ACAD9: variants seen among roughly 807,000 people sequenced by gnomAD.
ACAD9 encodes acyl-CoA dehydrogenase family member 9.
ACAD9 carries 53 observed loss-of-function variants against 70.2 expected under a neutral mutation model. The observed-to-expected ratio is 0.75, with a 90% CI of 0.61 to 0.95. ACAD9 has a LOEUF of 0.95. Among genes scored for constraint, ACAD9 ranks in the 40% least tolerant of loss-of-function variants. ACAD9 has a pLI of 0.00. For missense variants in ACAD9, 777 were observed against 802.8 expected, an observed-to-expected ratio of 0.97 and a Z score of 0.39; for synonymous variants, 313 against 312.1, an observed-to-expected ratio of 1.00 and a Z score of -0.03.
At chr3:128,903,750 C>G (rs559599047) in intron 9 of ACAD9, among the ~76,000 whole-genome samples, 10 of 152,292 alleles carry the variant, frequency 6.6e-5, no homozygotes, top group Admixed American at 6.5e-5. Context: ...ATCTTCACAG[C>G]GACTCTGAGG....
chr3:128,891,614 C>G (rs184797124), intron 2 of ACAD9, among the ~76,000 whole-genome samples: 2 of 152,290 alleles, frequency 1.3e-5, no homozygotes, highest in African/African-American at 2.4e-5. Context: ...GAGCGAGACT[C>G]CATCTCGAAA....
chr3:128,910,138 C>G lies in ACAD9; in HGVS notation c.1681C>G (p.His561Asp). ...CTCCATCCGCATTGGGCTCCGCAAC[C>G]ACGACCACGAGGTGAGCCCAGCCCA... ...SRSIRIGLRN[H>D]DHEVLLANTF... The change falls in exon 16 of 18, where the codon CAC becomes GAC. Residue 561 changes from histidine (H) to aspartate (D), a missense_variant. Transcript: ENST00000308982. 1 of 1,614,066 alleles carries G rather than the reference C, an allele frequency of 6.2e-7. No individual in the cohort carries two copies. The highest frequency in any genetic ancestry group is 8.5e-7 in the Non-Finnish European group (1 of 1,180,042).
At chr3:128,893,372 T>C (rs911879752) in intron 2 of ACAD9, 183 bp from the exon 3 acceptor site, 3 of 518,954 alleles carry the variant, frequency 5.8e-6, no homozygotes, top group Non-Finnish European at 1.0e-5. Flanking sequence ...AAAAATAAAA[T>C]TTTTCCTGGG....
intron 17 of ACAD9, among the ~76,000 whole-genome samples, chr3:128,911,793 C>G (rs969236005): frequency 2.0e-5 from 3 of 152,222 alleles, no homozygotes; most frequent in African/African-American, 7.2e-5. Context: ...GGAGGAGCAT[C>G]TGGTTGTACC....
chr3:128,906,371 C>T, intron 12 of ACAD9, 122 bp downstream of exon 12: 1 of 1,451,980 alleles, frequency 6.9e-7, no homozygotes, highest in East Asian at 2.3e-5. Flanking sequence ...CTCTCAGGGG[C>T]TCTCCTAGCC....
Position 128,902,497 on chromosome 3 carries a change from G to A in ACAD9, c.883-56G>A, listed in dbSNP as rs1179481965. On this transcript the variant is annotated intron_variant, in intron 8 of 17. Transcript: ENST00000308982. This position sits in a 1 kb window ranked among gnomAD's most constrained non-coding sequence, Gnocchi z 4.0. ...GATCCACCTGGCCTGGTTTCGTTGC[G>A]GCCTCCTCCCTCTGCCTCCTTCAGG... 17 of 1,592,270 alleles carry A rather than the reference G, an allele frequency of 1.1e-5. No homozygotes were observed. The highest frequency in any genetic ancestry group is 5.5e-5 in the South Asian group (5 of 90,600).
At chr3:128,889,320 A>G (rs1487964519) in intron 2 of ACAD9, among the ~76,000 whole-genome samples, 1 of 152,050 alleles carries the variant, frequency 6.6e-6, no homozygotes, top group East Asian at 1.9e-4. Context: ...GGCCTACTGT[A>G]CAGGTTTGCA....
At chr3:128,884,768 A>G (rs1935199274) in intron 2 of ACAD9, 22 bp downstream of exon 2, 2 of 1,554,844 alleles carry the variant, frequency 1.3e-6, no homozygotes, top group East Asian at 4.5e-5. Flanking sequence ...TTTCTTTACC[A>G]TTGCCGATTT....
intron 17 of ACAD9, 28 bp downstream of exon 17, chr3:128,910,841 G>A: frequency 6.2e-7 from 1 of 1,612,298 alleles, no homozygotes; most frequent in Non-Finnish European, 8.5e-7. Flanking sequence ...GGGGAGGGAA[G>A]GAAGGGCCCA....
Position 128,902,797 on chromosome 3 carries a change from G to A in ACAD9, c.958+169G>A, listed in dbSNP as rs7642301. 4.9e-3 allele frequency among the ~76,000 whole-genome samples: 739 copies of A among 152,282 alleles called. 8 individuals carry two copies. Among genetic ancestry groups the A allele is most frequent in the African/African-American group, 0.017 (703 of 41,546 alleles). On this transcript the variant is annotated intron_variant, in intron 9 of 17. Coordinates refer to ENST00000308982, the MANE Select transcript of ACAD9 (RefSeq NM_014049.5). This position sits in a 1 kb window ranked among gnomAD's most constrained non-coding sequence, Gnocchi z 4.0. Reference sequence around the variant, plus strand: ...GGAGACCAGAGGGTCTCCTCAGCCTGCCCCTGAGGTTTGTTGTCTTCCGCA... The same window carrying A: ...GGAGACCAGAGGGTCTCCTCAGCCTACCCCTGAGGTTTGTTGTCTTCCGCA...
chr3:128,900,976 C>T (rs1017645178), intron 7 of ACAD9, among the ~76,000 whole-genome samples: 9 of 152,142 alleles, frequency 5.9e-5, no homozygotes, highest in African/African-American at 2.2e-4. Flanking sequence ...AAAAGTCTGA[C>T]ATAGTCCTTA....
chr3:128,886,447 A>G (rs1405074453), intron 2 of ACAD9, among the ~76,000 whole-genome samples: 2 of 150,778 alleles, frequency 1.3e-5, no homozygotes, highest in Admixed American at 6.6e-5. Flanking sequence ...GGTGGCTCAC[A>G]CCTGTAATCC....
In ACAD9 at chr3:128,894,170, T is replaced by G. The variant is rs369989892; in HGVS notation, c.346+514T>G. On this transcript the variant is annotated intron_variant, in intron 3 of 17. Transcript: ENST00000308982. Reference sequence around the variant, plus strand: ...AGACCACACACATGTGTGCCATTTGTGTTTACCCTCAGGCCCTTTTGATAT... The same window carrying G: ...AGACCACACACATGTGTGCCATTTGGGTTTACCCTCAGGCCCTTTTGATAT... 2.6e-5 allele frequency among the ~76,000 whole-genome samples: 4 copies of G among 152,308 alleles called. No individual in the cohort carries two copies. The South Asian group carries it at 6.2e-4, about 24-fold the overall frequency.
intron 1 of ACAD9, 51 bp downstream of exon 1, chr3:128,879,892 C>G (rs754073204): frequency 1.9e-6 from 3 of 1,613,132 alleles, no homozygotes; most frequent in Admixed American, 1.7e-5. Flanking sequence ...GCTTTTCACC[C>G]TCAGCTGCAA....
intron 1 of ACAD9, among the ~76,000 whole-genome samples, chr3:128,881,704 A>G (rs1935099385): frequency 6.6e-6 from 1 of 152,164 alleles, no homozygotes; most frequent in Non-Finnish European, 1.5e-5. Flanking sequence ...GACACCGTTC[A>G]TCCTTCCACC....
At chr3:128,891,152 A>T (rs1935409984) in intron 2 of ACAD9, among the ~76,000 whole-genome samples, 1 of 152,112 alleles carries the variant, frequency 6.6e-6, no homozygotes, top group Non-Finnish European at 1.5e-5. Context: ...AATTTTTAAA[A>T]TAGGAAAAAA....
At chr3:128,888,950 GCA>G (rs1490819646) in intron 2 of ACAD9, among the ~76,000 whole-genome samples, 1 of 145,584 alleles carries the variant, frequency 6.9e-6, no homozygotes, top group African/African-American at 2.5e-5. Context: ...ACAATAAATT[GCA>G]CACACTGTCA....
At chr3:128,891,170 G>T (rs1002772642) in intron 2 of ACAD9, among the ~76,000 whole-genome samples, 2 of 152,124 alleles carry the variant, frequency 1.3e-5, no homozygotes, top group Admixed American at 6.5e-5. Context: ...AAAGGATCTT[G>T]TAGTTACCCA....
chr3:128,880,627 T>C (rs552401159), intron 1 of ACAD9, among the ~76,000 whole-genome samples: 24 of 152,012 alleles, frequency 1.6e-4, no homozygotes, highest in African/African-American at 4.8e-4. Flanking sequence ...CCTCGGGTGA[T>C]CCGCCCACCT....
Sources: gnomAD v4.1 joint callset for allele counts (sites outside exome capture counted in the v4.1 genomes callset) on GRCh38, gnomAD v4.1.1 for gene constraint, Gnocchi (gnomAD v3.1) non-coding constraint, MANE v1.5 for transcripts, NCBI Gene and HGNC (gene_info 2026-07-23, HGNC 2026-07-21) for gene names.